Variants in HMCN1 observed in about 807,000 individuals in gnomAD.
HMCN1 encodes hemicentin-1.
Under a neutral mutation model 625.9 loss-of-function variants are expected in HMCN1, and 321 were observed. The ratio of observed to expected loss-of-function variants is 0.51; its 90% CI spans 0.47 to 0.56. HMCN1 has a LOEUF of 0.56. Ranked by LOEUF, HMCN1 falls within the 20% of genes least tolerant of loss-of-function variation. HMCN1 has a pLI of 0.00. For missense variants in HMCN1, 6,588 were observed against 6,887.3 expected, an observed-to-expected ratio of 0.96 and a Z score of 1.54; for synonymous variants, 2,425 against 2,417.6, an observed-to-expected ratio of 1.00 and a Z score of -0.09.
At chr1:185,755,584 A>G (rs926058960) in intron 1 of HMCN1, among the ~76,000 whole-genome samples, 7 of 152,114 alleles carry the variant, frequency 4.6e-5, no homozygotes, top group Non-Finnish European at 1.0e-4. Context: ...GGACATTCCT[A>G]TATGAAGCTG....
Position 186,087,717 on chromosome 1 carries a change from A to G in HMCN1, c.9363+72A>G, listed in dbSNP as rs1659594346. The stretch of plus-strand genomic sequence containing the variant: ...GGTGGAAAAGATGCTTGGAAGTTGC[A>G]TATTCCCTTTTACTACAGTGAAAAA... On this transcript the variant is annotated intron_variant, in intron 60 of 106. Coordinates refer to ENST00000271588, the MANE Select transcript of HMCN1 (RefSeq NM_031935.3). The G allele has an allele frequency of 1.7e-5, 24 of 1,412,936 alleles. No homozygotes were observed. The South Asian group carries it at 1.8e-4, about 11-fold the overall frequency. The allele number at this position is 1,412,936 out of a possible 1,614,324, so 87.5% of individuals were successfully genotyped here.
intron 11 of HMCN1, among the ~76,000 whole-genome samples, chr1:185,943,354 C>T (rs1668176493): frequency 6.6e-6 from 1 of 152,178 alleles, no homozygotes; most frequent in South Asian, 2.1e-4. Context: ...GGACCTGATG[C>T]TACCTCCAGG....
At chr1:185,908,935 T>C (rs1236508022) in intron 4 of HMCN1, among the ~76,000 whole-genome samples, 1 of 151,624 alleles carries the variant, frequency 6.6e-6, no homozygotes, top group Non-Finnish European at 1.5e-5. Context: ...ACAAATTGCA[T>C]CTGGAAGAAT....
chr1:186,010,134 C>A (rs1653899655), intron 30 of HMCN1, among the ~76,000 whole-genome samples: 1 of 151,970 alleles, frequency 6.6e-6, no homozygotes, highest in Admixed American at 6.6e-5. Context: ...GGGTTGGGAA[C>A]TCCTGCCCTA....
intron 22 of HMCN1, among the ~76,000 whole-genome samples, chr1:185,990,920 T>C (rs912106006): frequency 2.0e-5 from 3 of 152,242 alleles, no homozygotes; most frequent in African/African-American, 7.2e-5. Flanking sequence ...ACAAGAAGAA[T>C]GCTGGAGCTT....
chr1:186,134,725 T>TA (rs1483337435), intron 86 of HMCN1, among the ~76,000 whole-genome samples: 1 of 152,194 alleles, frequency 6.6e-6, no homozygotes, highest in African/African-American at 2.4e-5. Context: ...TTATTCTAGA[T>TA]ACACTTCTCA....
Position 186,178,570 on chromosome 1 carries a change from A to G in HMCN1, c.16098A>G (p.Gln5366=), listed in dbSNP as rs531880990. 2.5e-6 allele frequency: 4 copies of G among 1,614,124 alleles called. No homozygotes were observed. Among genetic ancestry groups the G allele is most frequent in the East Asian group, 4.5e-5 (2 of 44,876 alleles). The part of the protein sequence containing the change: ...GLERLPNYGT[Q]YSSYNLARFS... Reference sequence around the variant, plus strand: ...AGAGGCTGCCAAATTATGGCACTCAATACAGTAGCTATAACCTTGCACGGT... The same window carrying G: ...AGAGGCTGCCAAATTATGGCACTCAGTACAGTAGCTATAACCTTGCACGGT... Residue 5366 remains glutamine, a synonymous_variant, in exon 104 of 107, where the codon CAA becomes CAG. Coordinates refer to ENST00000271588, the MANE Select transcript of HMCN1 (RefSeq NM_031935.3).
chr1:185,743,738 C>T (rs954736691), intron 1 of HMCN1, among the ~76,000 whole-genome samples: 12 of 152,182 alleles, frequency 7.9e-5, no homozygotes, highest in Non-Finnish European at 1.2e-4. Context: ...TGTCAACTAT[C>T]AGATGTGATG....
rs1172387552 is a variant in HMCN1, at chr1:186,069,740, G to A, written c.7957G>A (p.Gly2653Arg). The A allele has an allele frequency of 9.3e-6, 15 of 1,613,010 alleles. No individual in the cohort carries two copies. Among genetic ancestry groups the A allele is most frequent in the African/African-American group, 1.3e-5 (1 of 74,880 alleles). ...CTCTTGTGTAGCCACGAATGAGGCT[G>A]GAGAAATGATAAAGCACTATGAAGT... The part of the protein sequence containing the change: ...RYSCVATNEA[G>R]EMIKHYEVKV... Residue 2653 changes from glycine to arginine, a missense_variant, in exon 51 of 107, where the codon GGA becomes AGA. Around this residue, in one of 3 missense-constraint regions of HMCN1, gnomAD observed 4,628 missense variants for 4,853.1 expected, o/e 0.95. Coordinates refer to ENST00000271588, the MANE Select transcript of HMCN1 (RefSeq NM_031935.3).
chr1:186,189,997 A>G lies in HMCN1; in HGVS notation c.*119A>G. ...CTTGGCAGCTTGAAAATGGTGCTACACTCTGTTTTGTGTGCCTTCCTTGGT... is the reference window on the plus strand; with the variant it reads ...CTTGGCAGCTTGAAAATGGTGCTACGCTCTGTTTTGTGTGCCTTCCTTGGT... On this transcript the variant is annotated 3_prime_UTR_variant, in exon 107 of 107. Transcript: ENST00000271588. 2 of 1,170,156 alleles carry G rather than the reference A, an allele frequency of 1.7e-6. No individual in the cohort carries two copies. The highest frequency in any genetic ancestry group is 2.5e-6 in the Non-Finnish European group (2 of 791,720). The allele number at this position is 1,170,156 out of a possible 1,614,324, so 72.5% of individuals were successfully genotyped here.
At chr1:186,161,976 A>G (rs1327547250) in intron 97 of HMCN1, among the ~76,000 whole-genome samples, 4 of 152,102 alleles carry the variant, frequency 2.6e-5, no homozygotes, top group South Asian at 2.1e-4. Context: ...GCCTTGCTAG[A>G]TTGGGGAAGT....
At chr1:185,994,785 G>A (rs774331367) in intron 23 of HMCN1, 30 bp from the exon 24 acceptor site, 1 of 1,604,706 alleles carries the variant, frequency 6.2e-7, no homozygotes, top group South Asian at 1.1e-5. Flanking sequence ...TGTGAAAGTT[G>A]GATTATTAAT....
intron 33 of HMCN1, among the ~76,000 whole-genome samples, chr1:186,017,765 CTAAT>C (rs1243855432): frequency 1.3e-5 from 2 of 151,836 alleles, no homozygotes; most frequent in African/African-American, 4.8e-5. Context: ...TGTCTCTTTT[CTAAT>C]TAATTTTTCT....
Position 186,054,880 on chromosome 1 carries a change from C to T in HMCN1, c.6863-513C>T, listed in dbSNP as rs61012118. 5.6e-3 allele frequency among the ~76,000 whole-genome samples: 854 copies of T among 151,984 alleles called. 8 individuals carry two copies. Among genetic ancestry groups the T allele is most frequent in the African/African-American group, 0.018 (765 of 41,482 alleles). On this transcript the variant is annotated intron_variant, in intron 44 of 106. Coordinates refer to ENST00000271588, the MANE Select transcript of HMCN1 (RefSeq NM_031935.3). Reference sequence around the variant, plus strand: ...TTATTAGGAGAGCAAAAAATTTTCCCCAAAATCCCCAGCAGACCTCTGTGT... The same window carrying T: ...TTATTAGGAGAGCAAAAAATTTTCCTCAAAATCCCCAGCAGACCTCTGTGT...
intron 2 of HMCN1, among the ~76,000 whole-genome samples, chr1:185,847,454 G>A (rs926937620): frequency 6.6e-6 from 1 of 152,028 alleles, no homozygotes; most frequent in Admixed American, 6.5e-5. Flanking sequence ...TTTACTACTG[G>A]TTATTTCAGC....
chr1:185,780,760 T>C (rs1015102546), intron 1 of HMCN1, among the ~76,000 whole-genome samples: 3 of 152,360 alleles, frequency 2.0e-5, no homozygotes, highest in Non-Finnish European at 2.9e-5. Context: ...CAGTATTTTA[T>C]TGAGGATTTT....
intron 1 of HMCN1, among the ~76,000 whole-genome samples, chr1:185,743,669 T>C (rs1654146151): frequency 3.3e-5 from 5 of 152,350 alleles, no homozygotes; most frequent in Middle Eastern, 3.4e-3. Context: ...TGGTTTCTGA[T>C]AATCCCATGA....
rs1415475324 is a variant in HMCN1, at chr1:185,984,149, AC to A, written c.2791-18del. 2 of 1,602,144 alleles carry A rather than the reference AC, an allele frequency of 1.2e-6. No homozygotes were observed. The highest frequency in any genetic ancestry group is 2.7e-5 in the African/African-American group (2 of 74,578). The stretch of plus-strand genomic sequence containing the variant: ...AATCCTTTCTTTTTAAATAAAAATT[AC>A]CTTTTTTTTTCCTTTAAGTTGCTCC... On this transcript the variant is annotated intron_variant, in intron 18 of 106. Transcript: ENST00000271588.
chr1:185,876,864 C>G (rs1050820798), intron 4 of HMCN1, among the ~76,000 whole-genome samples: 2 of 151,680 alleles, frequency 1.3e-5, no homozygotes, highest in Admixed American at 1.3e-4. Flanking sequence ...TATTGGTTTT[C>G]TTGTTTACTC....
Sources: allele counts gnomAD v4.1 joint callset (sites outside exome capture counted in the v4.1 genomes callset), GRCh38; gene constraint gnomAD v4.1.1; regional missense constraint gnomAD v4.1.1; transcripts MANE v1.5; gene names NCBI Gene and HGNC (gene_info 2026-07-23, HGNC 2026-07-21).